Variants in CDYL observed in about 807,000 individuals in gnomAD.
CDYL encodes the protein chromodomain Y-like protein.
In CDYL, 8 loss-of-function variants were observed where a neutral mutation model predicts 47.3. That is an observed-to-expected ratio of 0.17 (90% CI 0.10 to 0.31). The LOEUF (loss-of-function observed/expected upper bound fraction) is 0.31, where lower values mean the gene tolerates loss of function less well. Ranked by LOEUF, CDYL falls within the 10% of genes least tolerant of loss-of-function variation. CDYL has a pLI of 1.00. For missense variants in CDYL, 471 were observed against 701.4 expected (o/e 0.67, Z 3.71); for synonymous variants, 266 against 265.0 (o/e 1.00, Z -0.04).
chr6:4,824,000 TCTGGC>T (rs1365118203), intron 1 of CDYL, among the ~76,000 whole-genome samples: 1 of 152,240 alleles, frequency 6.6e-6, no homozygotes, highest in Non-Finnish European at 1.5e-5. Context: ...TCCTTTTGTG[TCTGGC>T]TTCCTTCACT....
chr6:4,898,128 G>A (rs1235963253), intron 2 of CDYL, among the ~76,000 whole-genome samples: 4 of 152,068 alleles, frequency 2.6e-5, no homozygotes, highest in African/African-American at 9.7e-5. Flanking sequence ...AGGCTGAGGT[G>A]GGAGGATTGC....
Position 4,750,855 on chromosome 6 carries a change from CT to C in CDYL, c.186+16026del, listed in dbSNP as rs1445301601. ...AAAATACTCTTTTCTTTTTTCTTTT[CT>C]TTTTTTTTTTTTTTAAGATGGAGTC... On this transcript the variant is annotated intron_variant, in intron 3 of 8. Coordinates refer to the CDYL transcript ENST00000328908. Among the ~76,000 whole-genome samples the C allele has an allele frequency of 3.3e-3, 439 of 134,296 alleles. 1 individual carries two copies. The highest frequency in any genetic ancestry group is 4.5e-3 in the Non-Finnish European group (279 of 61,574). The allele number at this position is 134,296 out of a possible 152,430, so 88.1% of individuals were successfully genotyped here.
intron 2 of CDYL, among the ~76,000 whole-genome samples, chr6:4,731,006 T>G (rs9405771): frequency 0.012 from 1,813 of 152,200 alleles, 40 homozygotes; most frequent in African/African-American, 0.041. Context: ...GTTTGCTGCT[T>G]CTTTGCATGT....
rs910826958 is a variant in CDYL, at chr6:4,737,390, C to T, written c.186+2546C>T. Among the ~76,000 whole-genome samples the T allele has an allele frequency of 4.6e-5, 7 of 152,228 alleles. No individual in the cohort carries two copies. The East Asian group carries it at 5.8e-4, about 13-fold the overall frequency. ...AAAAGGGGCCAGGCGCAGTGGCTCA[C>T]GCCTGTAATCCCAGCACTTTGGGAG... On this transcript the variant is annotated intron_variant, in intron 3 of 8. Coordinates refer to the CDYL transcript ENST00000328908.
intron 2 of CDYL, among the ~76,000 whole-genome samples, chr6:4,926,144 A>G (rs1252321531): frequency 2.0e-5 from 3 of 152,212 alleles, no homozygotes; most frequent in Admixed American, 6.5e-5. Flanking sequence ...TTTTACAATT[A>G]TTTGTAAAGG....
chr6:4,942,574 T>C (rs1758391899), intron 4 of CDYL, among the ~76,000 whole-genome samples: 1 of 152,220 alleles, frequency 6.6e-6, no homozygotes, highest in Non-Finnish European at 1.5e-5. Flanking sequence ...GAAGGGACTA[T>C]CTTGTGTTTC....
At chr6:4,897,796 T>TTTGTTTTGTTTTG (rs1554105995) in intron 2 of CDYL, among the ~76,000 whole-genome samples, 2 of 151,054 alleles carry the variant, frequency 1.3e-5, no homozygotes, top group African/African-American at 4.9e-5. Context: ...TTTTGTTTTT[T>TTTGTTTTGTTTTG]TTTTTTAAAT....
chr6:4,862,605 T>C (rs1404366185), intron 1 of CDYL, among the ~76,000 whole-genome samples: 1 of 152,220 alleles, frequency 6.6e-6, no homozygotes, highest in Admixed American at 6.5e-5. Context: ...GTTAAGTTAA[T>C]GTGAATGCCC....
At chr6:4,738,812 T>C (rs939590223) in intron 3 of CDYL, among the ~76,000 whole-genome samples, 1 of 152,214 alleles carries the variant, frequency 6.6e-6, no homozygotes, top group Non-Finnish European at 1.5e-5. Flanking sequence ...AATGGAACAA[T>C]ATGTGCAGTA....
At chr6:4,926,545 G>A (rs1454473938) in intron 2 of CDYL, among the ~76,000 whole-genome samples, 3 of 152,096 alleles carry the variant, frequency 2.0e-5, no homozygotes, top group Admixed American at 1.3e-4. Flanking sequence ...AAATATAATC[G>A]GAGAAATACC....
chr6:4,916,014 C>A (rs1236325275), intron 2 of CDYL, among the ~76,000 whole-genome samples: 1 of 152,190 alleles, frequency 6.6e-6, no homozygotes, highest in Non-Finnish European at 1.5e-5. Context: ...TGGAAGCCTC[C>A]CCACCCCGCC....
chr6:4,839,899 TG>T (rs1760437170), intron 1 of CDYL, among the ~76,000 whole-genome samples: 1 of 152,158 alleles, frequency 6.6e-6, no homozygotes, highest in Non-Finnish European at 1.5e-5. Context: ...TTTGGTTATG[TG>T]GGCAGTTTTT....
chr6:4,948,343 G>A (rs1758592864), intron 5 of CDYL, among the ~76,000 whole-genome samples: 1 of 152,194 alleles, frequency 6.6e-6, no homozygotes, highest in Non-Finnish European at 1.5e-5. Context: ...CTGCTCAGGG[G>A]TAGAGGTGTC....
At chr6:4,847,474 G>C (rs570005019) in intron 1 of CDYL, among the ~76,000 whole-genome samples, 3 of 152,116 alleles carry the variant, frequency 2.0e-5, no homozygotes, top group Non-Finnish European at 4.4e-5. Context: ...GTGATAGCAG[G>C]GTCTAGGTCT....
intron 2 of CDYL, among the ~76,000 whole-genome samples, chr6:4,911,261 G>A (rs989272995): frequency 6.6e-5 from 10 of 152,358 alleles, no homozygotes; most frequent in African/African-American, 2.4e-4. Flanking sequence ...GTCCAGTCCA[G>A]GGTATGCATG....
chr6:4,915,455 G>A (rs897132021), intron 2 of CDYL, among the ~76,000 whole-genome samples: 9 of 152,286 alleles, frequency 5.9e-5, no homozygotes, highest in African/African-American at 2.2e-4. Context: ...GGACCCTAAA[G>A]AAACCTACAT....
intron 1 of CDYL, among the ~76,000 whole-genome samples, chr6:4,875,286 T>G (rs1761589053): frequency 6.6e-6 from 1 of 152,216 alleles, no homozygotes; most frequent in Admixed American, 6.5e-5. Context: ...TTGTTTTTGC[T>G]ATTCTATTTA....
chr6:4,750,477 T>G (rs919339035), intron 3 of CDYL, among the ~76,000 whole-genome samples: 9 of 151,462 alleles, frequency 5.9e-5, no homozygotes, highest in Non-Finnish European at 8.8e-5. Context: ...GCTGGGATTA[T>G]AGGCGTGAGC....
chr6:4,900,124 G>T (rs1396096329), intron 2 of CDYL, among the ~76,000 whole-genome samples: 1 of 152,168 alleles, frequency 6.6e-6, no homozygotes, highest in Non-Finnish European at 1.5e-5. Context: ...AAATTCCCCA[G>T]AGAGAACATC....
Sources: allele counts gnomAD v4.1 joint callset (sites outside exome capture counted in the v4.1 genomes callset), GRCh38; gene constraint gnomAD v4.1.1; transcripts MANE v1.5; gene names NCBI Gene and HGNC (gene_info 2026-07-23, HGNC 2026-07-21).